Variants in PLAC1 observed in about 807,000 individuals in gnomAD.
PLAC1 encodes the protein placenta-specific protein 1.
For synonymous variants in PLAC1, 68 were observed against 62.1 expected (o/e 1.09, Z -0.44); for missense variants, 136 against 163.2 (o/e 0.83, Z 0.91).
At chrX:134,763,477 T>TAA (rs1334327925) in intron 1 of PLAC1, among the ~76,000 whole-genome samples, 2 of 110,821 alleles carry the variant, frequency 1.8e-5, no homozygotes, top group Admixed American at 9.6e-5. Context: ...CCCCAGAAGC[T>TAA]AAAGGAGAGA....
intron 2 of PLAC1, among the ~76,000 whole-genome samples, chrX:134,718,410 C>G (rs776681650): frequency 8.9e-6 from 1 of 112,339 alleles, no homozygotes; most frequent in South Asian, 3.7e-4. Context: ...GTAAAGATCA[C>G]CCTGCTCTCC....
chrX:134,684,173 C>A (rs755607522), intron 2 of PLAC1, among the ~76,000 whole-genome samples: 4 of 111,083 alleles, frequency 3.6e-5, no homozygotes, highest in Non-Finnish European at 7.5e-5. Flanking sequence ...AAGTCTCAAT[C>A]AAATTCCAAA....
chrX:134,725,280 G>A (rs1323176161), intron 2 of PLAC1, among the ~76,000 whole-genome samples: 2 of 111,051 alleles, frequency 1.8e-5, no homozygotes, highest in Admixed American at 9.6e-5. Flanking sequence ...TTAGTGTCAT[G>A]GCTGTTCCCT....
At chrX:134,737,479 G>A (rs7049929) in intron 1 of PLAC1, among the ~76,000 whole-genome samples, 7,163 of 112,296 alleles carry the variant, frequency 0.064, 561 homozygotes, top group African/African-American at 0.22. Flanking sequence ...AAAAAGAGAC[G>A]CTGCAAGCTA....
At chrX:134,587,427 A>T (rs933701039) in intron 2 of PLAC1, among the ~76,000 whole-genome samples, 15 of 111,115 alleles carry the variant, frequency 1.3e-4, no homozygotes, top group Admixed American at 5.7e-4. Context: ...AAATAAATTT[A>T]AAAAATAGCC....
intron 1 of PLAC1, among the ~76,000 whole-genome samples, chrX:134,739,343 AGTG>A (rs1199814479): frequency 8.9e-6 from 1 of 112,433 alleles, no homozygotes; most frequent in East Asian, 2.8e-4. Flanking sequence ...AGGGTCCAAA[AGTG>A]GGAACTTTTT....
intron 2 of PLAC1, among the ~76,000 whole-genome samples, chrX:134,730,126 C>T (rs1281504352): frequency 8.9e-6 from 1 of 111,817 alleles, no homozygotes; most frequent in Non-Finnish European, 1.9e-5. Flanking sequence ...ATGTGGACAG[C>T]ACATGAAGAT....
rs138538572 is a variant in PLAC1 at position 134,576,866 on chromosome X, G to A, written c.-58-10126C>T. ...AACTAGAAGAGGCTTCTCTAGAGCCGTCACACAATATGGCCCTGCTGACAC... is the reference window on the plus strand; with the variant it reads ...AACTAGAAGAGGCTTCTCTAGAGCCATCACACAATATGGCCCTGCTGACAC... On this transcript the variant is annotated intron_variant, in intron 2 of 2. Transcript: ENST00000359237. Among the ~76,000 whole-genome samples the A allele has an allele frequency of 2.9e-4, 32 of 111,622 alleles. No homozygotes were observed. The East Asian group carries it at 8.8e-3, about 31-fold the overall frequency.
At chrX:134,684,939 G>A (rs1005492167) in intron 2 of PLAC1, among the ~76,000 whole-genome samples, 2 of 112,480 alleles carry the variant, frequency 1.8e-5, no homozygotes, top group Admixed American at 9.4e-5. Context: ...CTTGGACTAT[G>A]CAGAAGAAAG....
In PLAC1 at chrX:134,671,852, G is replaced by A. The variant is rs537226104; in HGVS notation, n.174+61583C>T. Among the ~76,000 whole-genome samples, 3 of 111,921 alleles carry A rather than the reference G, an allele frequency of 2.7e-5. No individual in the cohort carries two copies. In the South Asian group the frequency reaches 1.1e-3, roughly 42 times the overall value. ...TAAGAGTCTAGTCTTCGGAATAAAG[G>A]AGTTCTGCCCTGACCTCATAAATCA... is the stretch of plus-strand genomic sequence containing the variant. On this transcript the variant is annotated intron_variant and non_coding_transcript_variant, in intron 2 of 2. Transcript: ENST00000466797.
At chrX:134,714,818 G>A (rs1328023498) in intron 2 of PLAC1, among the ~76,000 whole-genome samples, 1 of 112,206 alleles carries the variant, frequency 8.9e-6, no homozygotes, top group Non-Finnish European at 1.9e-5. Context: ...GTATGCATCA[G>A]AATTTCCTTC....
At chrX:134,606,523 T>C (rs1401315115) in intron 1 of PLAC1, among the ~76,000 whole-genome samples, 1 of 110,633 alleles carries the variant, frequency 9.0e-6, no homozygotes, top group Non-Finnish European at 1.9e-5. Flanking sequence ...AAAAGAAAAA[T>C]AGATGTTGGT....
chrX:134,669,787 C>T (rs745879942), intron 2 of PLAC1, among the ~76,000 whole-genome samples: 6 of 112,308 alleles, frequency 5.3e-5, no homozygotes, highest in South Asian at 7.3e-4. Flanking sequence ...AAGGCTGAAG[C>T]GGGTGGTGGG....
rs144611282 is a variant in PLAC1 at position 134,566,600 on chromosome X, A to G, written c.83T>C (p.Val28Ala). 205 of 1,208,767 alleles carry G rather than the reference A, an allele frequency of 1.7e-4. 1 individual carries two copies. Among genetic ancestry groups the G allele is most frequent in the South Asian group, 2.1e-4 (12 of 56,821 alleles). ...CATGAACCAGTCTATGGAGCACAGC[A>G]CAGTCATTGGACTTTGTCCTGAACC... ...SAGSGQSPMT[V>A]LCSIDWFMVT... Residue 28 changes from valine to alanine, a missense_variant, in exon 3 of 3, where the codon GTG (valine) becomes GCG (alanine). Physicochemically the swap from Val to Ala is moderately conservative, Grantham distance 64. Coordinates refer to ENST00000359237, the MANE Select transcript of PLAC1 (RefSeq NM_021796.4).
At chrX:134,675,462 T>G (rs893196778) in intron 2 of PLAC1, among the ~76,000 whole-genome samples, 8 of 111,246 alleles carry the variant, frequency 7.2e-5, no homozygotes, top group African/African-American at 2.3e-4. Flanking sequence ...GGTCGGGAGT[T>G]CAAGACCAGC....
intron 2 of PLAC1, among the ~76,000 whole-genome samples, chrX:134,706,927 G>A (rs910909842): frequency 8.9e-6 from 1 of 111,933 alleles, no homozygotes; most frequent in Non-Finnish European, 1.9e-5. Flanking sequence ...TCAGGGATCC[G>A]TGGCACTATA....
intron 2 of PLAC1, among the ~76,000 whole-genome samples, chrX:134,703,970 T>C (rs1013449784): frequency 1.9e-5 from 2 of 105,881 alleles, no homozygotes; most frequent in Non-Finnish European, 3.9e-5. Flanking sequence ...TTAATACCTT[T>C]AAAATTTTTA....
intron 2 of PLAC1, among the ~76,000 whole-genome samples, chrX:134,721,619 C>T (rs1488235369): frequency 1.8e-5 from 2 of 110,059 alleles, no homozygotes; most frequent in African/African-American, 6.6e-5. Context: ...AATCCCAGCA[C>T]TTTGGGAGGC....
At chrX:134,584,935 A>G (rs1385441294) in intron 2 of PLAC1, among the ~76,000 whole-genome samples, 5 of 111,311 alleles carry the variant, frequency 4.5e-5, no homozygotes, top group African/African-American at 1.6e-4. Context: ...CAACTGACAC[A>G]TAAACACAGG....
Sources: allele counts gnomAD v4.1 joint callset (sites outside exome capture counted in the v4.1 genomes callset), GRCh38; gene constraint gnomAD v4.1.1; transcripts MANE v1.5; gene names NCBI Gene and HGNC (gene_info 2026-07-23, HGNC 2026-07-21).